PIR: variants seen among roughly 807,000 people sequenced by gnomAD.
The protein encoded by PIR is pirin (iron-binding nuclear protein).
In PIR, 22 loss-of-function variants were observed where a neutral mutation model predicts 24.2. That is an observed-to-expected ratio of 0.91 (90% CI 0.65 to 1.30). The LOEUF is 1.30. Ranked by LOEUF, PIR falls within the 50% of genes most tolerant of loss-of-function variation. The probability of loss-of-function intolerance (pLI) is 0.00; values close to 1 mark genes in which losing one functional copy is unlikely to be tolerated. For synonymous variants in PIR, 80 were observed against 79.6 expected, an observed-to-expected ratio of 1.00 and a Z score of -0.03; for missense variants, 220 against 220.3, an observed-to-expected ratio of 1.00 and a Z score of 0.01.
chrX:15,476,655 C>T (rs991103463), intron 3 of PIR, among the ~76,000 whole-genome samples: 5 of 109,064 alleles, frequency 4.6e-5, no homozygotes, highest in African/African-American at 1.7e-4. Flanking sequence ...ACCAGCAACC[C>T]AGCAGGAAAA....
At chrX:15,412,080 C>T (rs1185214921) in intron 6 of PIR, among the ~76,000 whole-genome samples, 1 of 111,669 alleles carries the variant, frequency 9.0e-6, no homozygotes, top group Non-Finnish European at 1.9e-5. Context: ...GTATAGTGCA[C>T]TTATGGAAAT....
At chrX:15,387,415 CAT>C (rs1923809917) in intron 9 of PIR, among the ~76,000 whole-genome samples, 1 of 110,076 alleles carries the variant, frequency 9.1e-6, no homozygotes, top group African/African-American at 3.3e-5. Context: ...AGTATTTTAA[CAT>C]AGAAGTACTA....
intron 6 of PIR, among the ~76,000 whole-genome samples, chrX:15,424,592 G>A (rs1925243402): frequency 8.9e-6 from 1 of 112,173 alleles, no homozygotes; most frequent in Non-Finnish European, 1.9e-5. Context: ...AATATTTAAG[G>A]TGATGAATAT....
intron 9 of PIR, 59 bp downstream of exon 9, chrX:15,390,126 A>G (rs1923906717): frequency 3.0e-6 from 2 of 663,472 alleles, no homozygotes; most frequent in African/African-American, 2.2e-5. Flanking sequence ...GTATACATGT[A>G]TACTGTTTTC....
At chrX:15,443,533 TC>T (rs1925990488) in intron 5 of PIR, among the ~76,000 whole-genome samples, 1 of 111,678 alleles carries the variant, frequency 9.0e-6, no homozygotes, top group African/African-American at 3.3e-5. Flanking sequence ...TTGATATTAA[TC>T]ATCATCAATT....
chrX:15,482,282 AAC>A (rs1318753064), intron 2 of PIR, among the ~76,000 whole-genome samples: 1 of 111,687 alleles, frequency 9.0e-6, no homozygotes, highest in African/African-American at 3.3e-5. Flanking sequence ...GCATCTCTAC[AAC>A]AGTCTTGAGT....
intron 1 of PIR, among the ~76,000 whole-genome samples, chrX:15,492,372 C>A (rs757555470): frequency 5.4e-5 from 6 of 111,562 alleles, no homozygotes; most frequent in Non-Finnish European, 9.4e-5. Flanking sequence ...TTACCTATAG[C>A]CAGAGTTTGT....
At chrX:15,423,353 C>T (rs1037374728) in intron 6 of PIR, among the ~76,000 whole-genome samples, 3 of 112,395 alleles carry the variant, frequency 2.7e-5, no homozygotes, top group African/African-American at 6.5e-5. Flanking sequence ...CGGTGGCTCA[C>T]GCCTGTAATC....
intron 3 of PIR, among the ~76,000 whole-genome samples, chrX:15,477,323 T>C (rs1254214903): frequency 1.8e-5 from 2 of 111,686 alleles, no homozygotes; most frequent in East Asian, 5.6e-4. Context: ...AAAAATGTTC[T>C]ATATAGTTGC....
intron 5 of PIR, among the ~76,000 whole-genome samples, chrX:15,436,247 C>A (rs1366895557): frequency 4.5e-5 from 5 of 112,009 alleles, no homozygotes; most frequent in Non-Finnish European, 9.4e-5. Context: ...TTTCAAGTAG[C>A]CCTTTAATCA....
intron 5 of PIR, among the ~76,000 whole-genome samples, chrX:15,435,238 GAAGA>G (rs771337383): frequency 3.5e-4 from 35 of 101,094 alleles, no homozygotes; most frequent in East Asian, 1.8e-3. Context: ...GAAAAGAAAA[GAAGA>G]AAGAAAGAAA....
chrX:15,424,495 GGAC>G (rs1316967331), intron 6 of PIR, among the ~76,000 whole-genome samples: 1 of 111,796 alleles, frequency 8.9e-6, no homozygotes, highest in African/African-American at 3.2e-5. Flanking sequence ...TAGATCAGTA[GGAC>G]GACTATTGTT....
Position 15,456,043 on chromosome X carries a change from C to G in PIR, c.285G>C (p.Ala95=), listed in dbSNP as rs137971206. ...TCTCAGCGTGCAGAATGCCCCGGCC[C>G]GCAGTCATCCACTGCAAACACAAAA... The part of the protein sequence containing the change: ...MNPGDLQWMT[A]GRGILHAEMP... Residue 95 remains alanine, a synonymous_variant, in exon 5 of 10, where the codon GCG becomes GCC. Coordinates refer to ENST00000380420, the MANE Select transcript of PIR (RefSeq NM_001018109.3). 8.3e-7 allele frequency: 1 copy of G among 1,207,772 alleles called. No individual in the cohort carries two copies. The highest frequency in any genetic ancestry group is 1.1e-6 in the Non-Finnish European group (1 of 893,648).
At chrX:15,420,316 G>T (rs1041509594) in intron 6 of PIR, among the ~76,000 whole-genome samples, 1 of 47,383 alleles carries the variant, frequency 2.1e-5, no homozygotes, top group South Asian at 6.8e-4. Context: ...ACAGATATAC[G>T]TTCTCTCTCA....
At chrX:15,481,511 C>T (rs189869998) in intron 2 of PIR, among the ~76,000 whole-genome samples, 36 of 111,231 alleles carry the variant, frequency 3.2e-4, no homozygotes, top group African/African-American at 1.0e-3. Context: ...CATGGTTATC[C>T]CCATTTATTT....
intron 6 of PIR, among the ~76,000 whole-genome samples, chrX:15,420,048 T>C (rs1261624293): frequency 1.8e-5 from 2 of 109,775 alleles, no homozygotes; most frequent in Non-Finnish European, 3.8e-5. Flanking sequence ...AATACAAAAA[T>C]TAGCCAGGCA....
Position 15,491,286 on chromosome X carries a change from T to C in PIR, c.-29A>G, listed in dbSNP as rs368390377. On this transcript the variant is annotated 5_prime_UTR_variant, in exon 2 of 10. Transcript: ENST00000380420. ...GGAGTCTAAAAAGAGAGTGTTCTGA[T>C]GCTGAGCTGTAGAGGATGGAGGGCT... is the stretch of plus-strand genomic sequence containing the variant. 9.8e-7 allele frequency: 1 copy of C among 1,016,937 alleles called. No homozygotes were observed. The highest frequency in any genetic ancestry group is 1.4e-6 in the Non-Finnish European group (1 of 728,217). The allele number at this position is 1,016,937 out of a possible 1,213,427, so 83.8% of individuals were successfully genotyped here.
At chrX:15,414,277 C>T (rs1258124328) in intron 6 of PIR, among the ~76,000 whole-genome samples, 1 of 112,114 alleles carries the variant, frequency 8.9e-6, no homozygotes, top group Non-Finnish European at 1.9e-5. Context: ...AGACTAAGTG[C>T]ACAATGATGC....
intron 5 of PIR, among the ~76,000 whole-genome samples, chrX:15,435,743 T>C (rs907766806): frequency 1.8e-5 from 2 of 112,214 alleles, no homozygotes; most frequent in African/African-American, 6.5e-5. Flanking sequence ...CCAGATCCCA[T>C]TGCCCCTGCA....
Sources: gnomAD v4.1 joint callset for allele counts (sites outside exome capture counted in the v4.1 genomes callset) on GRCh38, gnomAD v4.1.1 for gene constraint, MANE v1.5 for transcripts, NCBI Gene and HGNC (gene_info 2026-07-23, HGNC 2026-07-21) for gene names.